The following DTL variants were observed in gnomAD, a reference collection of about 807,000 sequenced individuals.
DTL encodes the protein denticleless protein homolog.
In DTL, 46 loss-of-function variants were observed where a neutral mutation model predicts 87.0. The observed-to-expected ratio is 0.53, with a 90% CI of 0.42 to 0.68. The LOEUF (loss-of-function observed/expected upper bound fraction) is 0.68. DTL is among the 30% of genes least tolerant of loss of function. The pLI, the probability that DTL is intolerant of heterozygous loss-of-function variation, is 0.00. For synonymous variants in DTL, 308 were observed against 311.2 expected (o/e 0.99, Z 0.11); for missense variants, 737 against 869.4 (o/e 0.85, Z 1.91).
chr1:212,072,028 T>C, intron 10 of DTL, 73 bp from the exon 11 acceptor site: 1 of 1,032,214 alleles, frequency 9.7e-7, no homozygotes, highest in South Asian at 1.3e-5. Flanking sequence ...TGTTAGAATA[T>C]ATATGCTGTC....
At chr1:212,058,648 A>G (rs1571952612) in intron 5 of DTL, among the ~76,000 whole-genome samples, 1 of 152,146 alleles carries the variant, frequency 6.6e-6, no homozygotes, top group African/African-American at 2.4e-5. Flanking sequence ...TAGAAAAGCA[A>G]GAACAAACCA....
At chr1:212,057,481 T>C (rs571355865) in intron 5 of DTL, among the ~76,000 whole-genome samples, 1 of 151,978 alleles carries the variant, frequency 6.6e-6, no homozygotes, top group African/African-American at 2.4e-5. Flanking sequence ...CACCAGTAGA[T>C]GGGCCGTACA....
chr1:212,095,194 A>G (rs894304226), intron 13 of DTL, among the ~76,000 whole-genome samples: 4 of 152,088 alleles, frequency 2.6e-5, no homozygotes, highest in Admixed American at 6.5e-5. Flanking sequence ...AATGCTTTCA[A>G]CTTTTCCCCG....
At chr1:212,089,291 G>A (rs531509398) in intron 13 of DTL, among the ~76,000 whole-genome samples, 28 of 151,764 alleles carry the variant, frequency 1.8e-4, no homozygotes, top group African/African-American at 6.5e-4. Flanking sequence ...AAATGTGTAG[G>A]CCCATATAAT....
chr1:212,050,034 A>G (rs538948772), intron 5 of DTL, among the ~76,000 whole-genome samples: 1 of 151,946 alleles, frequency 6.6e-6, no homozygotes, highest in South Asian at 2.1e-4. Context: ...AGCTTGGTAC[A>G]GTGGTATGCA....
intron 8 of DTL, among the ~76,000 whole-genome samples, 163 bp downstream of exon 8, chr1:212,067,048 A>T (rs1654529642): frequency 6.6e-6 from 1 of 152,254 alleles, no homozygotes. Flanking sequence ...GAAAATACCT[A>T]GTTGAAGGAC....
rs1477775855 is a variant in DTL, at chr1:212,071,386, G to C, written c.923-715G>C. 2.0e-5 allele frequency among the ~76,000 whole-genome samples: 3 copies of C among 152,190 alleles called. No homozygotes were observed. The South Asian group carries it at 6.2e-4, about 31-fold the overall frequency. ...TTCTTAGGATAGAAGAACCTGTTAA[G>C]AACATATGCTAGATTGGGTTACCTG... On this transcript the variant is annotated intron_variant, in intron 10 of 14. Coordinates refer to ENST00000366991, the MANE Select transcript of DTL (RefSeq NM_016448.4).
intron 10 of DTL, among the ~76,000 whole-genome samples, chr1:212,071,047 G>T (rs754353404): frequency 1.1e-4 from 16 of 152,180 alleles, no homozygotes; most frequent in African/African-American, 3.6e-4. Flanking sequence ...GTGATAATAG[G>T]TGTATACAAA....
At chr1:212,067,435 G>C (rs1327919717) in intron 8 of DTL, among the ~76,000 whole-genome samples, 2 of 152,104 alleles carry the variant, frequency 1.3e-5, no homozygotes, top group Non-Finnish European at 2.9e-5. Context: ...TGTTGATTGT[G>C]TTGTAGAATA....
In DTL at chr1:212,100,294, G is replaced by A; in HGVS notation, c.1304G>A (p.Arg435Lys). 4 of 1,600,626 alleles carry A rather than the reference G, an allele frequency of 2.5e-6. No individual in the cohort carries two copies. Among genetic ancestry groups the A allele is most frequent in the Non-Finnish European group, 3.4e-6 (4 of 1,174,542 alleles). Residue 435 changes from arginine to lysine, a missense_variant, in exon 14 of 15, where the codon AGG (arginine) becomes AAG (lysine). Coordinates refer to ENST00000366991, the MANE Select transcript of DTL (RefSeq NM_016448.4). ...SSQSTPAKAP[R>K]AKCNPSNSSP... is the part of the protein sequence containing the mutation. Reference sequence around the variant, plus strand: ...CAGAGTACTCCTGCCAAAGCCCCCAGGGCAAAGTGCAATCCATCCAATTCT... The same window carrying A: ...CAGAGTACTCCTGCCAAAGCCCCCAAGGCAAAGTGCAATCCATCCAATTCT...
rs550464993 is a variant in DTL, at chr1:212,096,380, A to G, written c.1262-3872A>G. Reference sequence around the variant, plus strand: ...TGTTGTTTCATTTTTATTAAGTTCTACTCTGGTCTTTGTTATATCTTTCCT... The same window carrying G: ...TGTTGTTTCATTTTTATTAAGTTCTGCTCTGGTCTTTGTTATATCTTTCCT... On this transcript the variant is annotated intron_variant, in intron 13 of 14. Coordinates refer to ENST00000366991, the MANE Select transcript of DTL (RefSeq NM_016448.4). Among the ~76,000 whole-genome samples the G allele has an allele frequency of 9.1e-4, 137 of 151,210 alleles. 2 individuals are homozygous for G. In the Middle Eastern group the frequency reaches 0.017, roughly 19 times the overall value.
chr1:212,051,082 T>TGTTTA (rs1410212004), intron 5 of DTL, among the ~76,000 whole-genome samples: 3 of 152,096 alleles, frequency 2.0e-5, no homozygotes, highest in Non-Finnish European at 4.4e-5. Flanking sequence ...CAGGATTTGG[T>TGTTTA]GTTTAGCCTT....
chr1:212,088,885 G>A (rs1000564543), intron 13 of DTL, among the ~76,000 whole-genome samples: 30 of 152,124 alleles, frequency 2.0e-4, no homozygotes, highest in African/African-American at 6.5e-4. Context: ...TCAGGAGTTC[G>A]GGACTAGTCT....
intron 9 of DTL, 45 bp downstream of exon 9, chr1:212,068,372 TAA>T (rs35528691): frequency 0.051 from 47,547 of 927,504 alleles, 1 homozygote; most frequent in South Asian, 0.067. Context: ...AGTTTTTGTT[TAA>T]AAAAAAAAAA....
chr1:212,063,082 TC>T, intron 6 of DTL, 133 bp downstream of exon 6: 1 of 681,034 alleles, frequency 1.5e-6, no homozygotes. Flanking sequence ...TGCTCACTGT[TC>T]CAGATCTCAG....
intron 13 of DTL, among the ~76,000 whole-genome samples, chr1:212,099,297 G>T (rs755748837): frequency 6.6e-6 from 1 of 151,980 alleles, no homozygotes; most frequent in Non-Finnish European, 1.5e-5. Flanking sequence ...CAGTGCATGC[G>T]ATCTTGGCTC....
chr1:212,047,511 G>A (rs1312374059), intron 5 of DTL, 94 bp downstream of exon 5: 56 of 1,477,962 alleles, frequency 3.8e-5, no homozygotes, highest in Non-Finnish European at 5.2e-5. Flanking sequence ...CCCTGTCAAA[G>A]TTACTGCTTT....
chr1:212,079,247 A>G (rs772431331), intron 12 of DTL, among the ~76,000 whole-genome samples: 16 of 151,964 alleles, frequency 1.1e-4, no homozygotes, highest in Non-Finnish European at 1.8e-4. Context: ...TTTAACATGG[A>G]GGGTTGCATC....
intron 5 of DTL, among the ~76,000 whole-genome samples, chr1:212,053,536 A>G (rs1668063156): frequency 1.3e-5 from 2 of 152,022 alleles, no homozygotes; most frequent in Admixed American, 6.6e-5. Flanking sequence ...GAGATTTATC[A>G]TCTTTTTATT....
Sources: allele counts gnomAD v4.1 joint callset (sites outside exome capture counted in the v4.1 genomes callset), GRCh38; gene constraint gnomAD v4.1.1; transcripts MANE v1.5; gene names NCBI Gene and HGNC (gene_info 2026-07-23, HGNC 2026-07-21).